The following C15orf40 variants were observed in gnomAD, a reference collection of about 807,000 sequenced individuals.
The protein encoded by C15orf40 is chromosome 15 open reading frame 40.
A neutral mutation model predicts 13.9 loss-of-function variants in C15orf40; 9 were observed. That is an observed-to-expected ratio of 0.65 (90% CI 0.39 to 1.13). C15orf40 has a LOEUF of 1.13. Among genes scored for constraint, C15orf40 ranks in the 50% most tolerant of loss-of-function variants. C15orf40 has a pLI of 0.01. For synonymous variants in C15orf40, 95 were observed against 69.2 expected (o/e 1.37, Z -1.85); for missense variants, 225 against 188.5 (o/e 1.19, Z -1.13).
At chr15:83,006,341 T>G (rs1054188833) in intron 3 of C15orf40, 5 of 928,884 alleles carry the variant, frequency 5.4e-6, no homozygotes, top group Non-Finnish European at 5.1e-6. Context: ...ATAAACTTTG[T>G]AGTAAAATAA....
At position 83,006,585 on chromosome 15, in the gene C15orf40, C is replaced by A. The variant is rs921553013; in HGVS notation, c.367-893G>T. ...GACCAGCCTGGCCAATGTGGCAAAA[C>A]CCTGTCTCTACTAAAAATTAGCCAG... On this transcript the variant is annotated intron_variant, in intron 3 of 3. Transcript: ENST00000304177. The A allele has an allele frequency of 1.1e-5, 5 of 454,230 alleles. No homozygotes were observed. The Middle Eastern group carries it at 4.6e-3, about 419-fold the overall frequency. The allele number at this position is 454,230 out of a possible 1,614,324, so 28.1% of individuals were successfully genotyped here.
Position 82,998,197 on chromosome 15 carries a change from C to G in C15orf40, c.*7400G>C, listed in dbSNP as rs1596401827. ...GACCCCCCACCTCCCTCCCGGACGGCACGGCTGGCCAGGCGGGGGGCTGAC... is the reference window on the plus strand; with the variant it reads ...GACCCCCCACCTCCCTCCCGGACGGGACGGCTGGCCAGGCGGGGGGCTGAC... On this transcript the variant is annotated 3_prime_UTR_variant, in exon 4 of 4. Transcript: ENST00000304177. The G allele has an allele frequency of 1.4e-5, 2 of 139,538 alleles. No homozygotes were observed. The highest frequency in any genetic ancestry group is 4.6e-4 in the South Asian group (2 of 4,340). The allele number at this position is 139,538 out of a possible 1,614,324, so 8.6% of individuals were successfully genotyped here. A position where few individuals can be genotyped will look rare whatever the true frequency, so the allele number is the denominator to read the frequency against.
chr15:83,011,478 C>T lies in C15orf40; in HGVS notation c.111+19G>A. The T allele has an allele frequency of 6.3e-7, 1 of 1,592,116 alleles. No homozygotes were observed. The highest frequency in any genetic ancestry group is 8.5e-7 in the Non-Finnish European group (1 of 1,170,690). Reference sequence around the variant, plus strand: ...CCCCTGAGGCCCACCCCTCTGCCGCCACGGGACCTGCTACTGGCCTTGGTC... The same window carrying T: ...CCCCTGAGGCCCACCCCTCTGCCGCTACGGGACCTGCTACTGGCCTTGGTC... On this transcript the variant is annotated intron_variant, in intron 1 of 3. Transcript: ENST00000304177.
At chr15:82,989,077 C>T (rs763235978), downstream of C15orf40, 11 of 1,613,732 alleles carry the variant, frequency 6.8e-6, no homozygotes, top group African/African-American at 1.2e-4. Context: ...AGTAGATTCA[C>T]AGAAAATGAC....
At chr15:83,009,177 A>G (rs1006355243) in intron 2 of C15orf40, among the ~76,000 whole-genome samples, 1 of 152,246 alleles carries the variant, frequency 6.6e-6, no homozygotes, top group African/African-American at 2.4e-5. Context: ...AATAATGTTT[A>G]CTTAACAAAT....
intron 2 of C15orf40, among the ~76,000 whole-genome samples, chr15:83,009,043 G>A (rs2031853238): frequency 6.6e-6 from 1 of 152,170 alleles, no homozygotes; most frequent in South Asian, 2.1e-4. Context: ...CACTGAAGAA[G>A]TGTATGGACA....
chr15:83,007,140 C>A (rs1410011155), intron 3 of C15orf40, among the ~76,000 whole-genome samples: 2 of 152,146 alleles, frequency 1.3e-5, no homozygotes, highest in Non-Finnish European at 2.9e-5. Flanking sequence ...ATTTAGAAAT[C>A]ATTCCCAGGT....
intron 3 of C15orf40, chr15:83,008,223 A>G (rs1191154109): frequency 4.3e-6 from 1 of 232,756 alleles, no homozygotes; most frequent in Admixed American, 5.3e-5. Context: ...AAAGAAGTTT[A>G]AAAAGAGAGA....
chr15:82,994,682 T>C (rs1410457076), downstream of C15orf40: 1 of 152,210 alleles, frequency 6.6e-6, no homozygotes, highest in Non-Finnish European at 1.5e-5. Flanking sequence ...AACTATTCAC[T>C]GAAATGCCTA....
At position 83,005,192 on chromosome 15, in the gene C15orf40, T is replaced by TC. The variant is rs1240496614; in HGVS notation, c.*404dup. On this transcript the variant is annotated 3_prime_UTR_variant, in exon 4 of 4. Coordinates refer to ENST00000304177, the MANE Select transcript of C15orf40 (RefSeq NM_144597.3). ...ATTCGAATATATACATATATATATG[T>TC]CCCCCATGTTCTTCTGTGCATGTAG... 14 of 1,029,650 alleles carry TC rather than the reference T, an allele frequency of 1.4e-5. No individual in the cohort carries two copies. Among genetic ancestry groups the TC allele is most frequent in the Non-Finnish European group, 1.6e-5 (14 of 855,388 alleles). 63.8% of individuals were successfully genotyped at this position (1,029,650 alleles called of 1,614,324 possible).
At chr15:82,991,518 C>T (rs561395947), downstream of C15orf40, among the ~76,000 whole-genome samples, 1 of 152,284 alleles carries the variant, frequency 6.6e-6, no homozygotes, top group Non-Finnish European at 1.5e-5. Flanking sequence ...GCACTCCAGC[C>T]TGGGCAACAG....
intron 1 of C15orf40, 158 bp from the exon 2 acceptor site, chr15:83,010,521 T>G: frequency 1.3e-6 from 1 of 763,810 alleles, no homozygotes; most frequent in Non-Finnish European, 2.1e-6. Flanking sequence ...CCCACAACCT[T>G]CAAGGCTCTA....
At position 83,005,655 on chromosome 15, in the gene C15orf40, G is replaced by T; in HGVS notation, c.404C>A (p.Ala135Asp). Residue 135 changes from alanine (A) to aspartate (D), a missense_variant, in exon 4 of 4, where the codon GCT becomes GAT. Transcript: ENST00000304177. ...CAAGATCTCTTCTGGAGTTGTAGAA[G>T]CCAAAAGCTTCACCACCTTTTCACG... ...KSREKVVKLLASTTPEEILEK... is the reference protein window; with the variant it reads ...KSREKVVKLLDSTTPEEILEK... The T allele has an allele frequency of 6.2e-7, 1 of 1,612,152 alleles. No homozygotes were observed. The highest frequency in any genetic ancestry group is 8.5e-7 in the Non-Finnish European group (1 of 1,179,214).
downstream of C15orf40, chr15:82,989,088 A>C (rs1419752965): frequency 2.5e-6 from 4 of 1,613,928 alleles, no homozygotes. Flanking sequence ...AGAAAATGAC[A>C]AGGAGTATCA....
At chr15:83,008,711 A>G (rs760340569) in intron 2 of C15orf40, 36 bp from the exon 3 acceptor site, 11 of 1,544,204 alleles carry the variant, frequency 7.1e-6, no homozygotes, top group Non-Finnish European at 9.6e-6. Flanking sequence ...ATCCTTAAGG[A>G]GTTCTTTTTC....
At position 82,998,141 on chromosome 15, in the gene C15orf40, C is replaced by T. The variant is rs2031212251; in HGVS notation, c.*7456G>A. Reference sequence around the variant, plus strand: ...GCCGGGCAGAGGCGCCCCTCACCTCCCGGACGGGGCGGCTGGCCGGGCGGG... The same window carrying T: ...GCCGGGCAGAGGCGCCCCTCACCTCTCGGACGGGGCGGCTGGCCGGGCGGG... On this transcript the variant is annotated 3_prime_UTR_variant, in exon 4 of 4. Coordinates refer to ENST00000304177, the MANE Select transcript of C15orf40 (RefSeq NM_144597.3). 7.6e-6 allele frequency: 1 copy of T among 132,072 alleles called. No individual in the cohort carries two copies. Among genetic ancestry groups the T allele is most frequent in the Non-Finnish European group, 1.7e-5 (1 of 59,932 alleles). The allele number at this position is 132,072 out of a possible 1,614,324, so 8.2% of individuals were successfully genotyped here. A position where few individuals can be genotyped will look rare whatever the true frequency, so the allele number is the denominator to read the frequency against.
rs1596406838 is a variant in C15orf40 at position 83,004,552 on chromosome 15, T to C, written c.*1045A>G. 1 of 852,200 alleles carries C rather than the reference T, an allele frequency of 1.2e-6. No homozygotes were observed. The highest frequency in any genetic ancestry group is 1.4e-6 in the Non-Finnish European group (1 of 708,924). 52.8% of individuals were successfully genotyped at this position (852,200 alleles called of 1,614,324 possible). A position where few individuals can be genotyped will look rare whatever the true frequency, so the allele number is the denominator to read the frequency against. ...GAAAATAGCTTCCAAGTCCTCTTTCTTCTTTTAAGGATCTTTGGAGATTCA... is the reference window on the plus strand; with the variant it reads ...GAAAATAGCTTCCAAGTCCTCTTTCCTCTTTTAAGGATCTTTGGAGATTCA... On this transcript the variant is annotated 3_prime_UTR_variant, in exon 4 of 4. Transcript: ENST00000304177.
chr15:82,993,609 C>T (rs535718789), downstream of C15orf40, among the ~76,000 whole-genome samples: 191 of 152,142 alleles, frequency 1.3e-3, no homozygotes, highest in Non-Finnish European at 2.1e-3. Context: ...GTCAGGAGTT[C>T]GAGACCAGCC....
In C15orf40 at chr15:83,004,574, T is replaced by G. The variant is rs1474639460; in HGVS notation, c.*1023A>C. Reference sequence around the variant, plus strand: ...TTCTTCTTTTAAGGATCTTTGGAGATTCATAAAAACTACTGAATTTGCTGA... The same window carrying G: ...TTCTTCTTTTAAGGATCTTTGGAGAGTCATAAAAACTACTGAATTTGCTGA... On this transcript the variant is annotated 3_prime_UTR_variant, in exon 4 of 4. Transcript: ENST00000304177. 2 of 885,054 alleles carry G rather than the reference T, an allele frequency of 2.3e-6. No homozygotes were observed. Among genetic ancestry groups the G allele is most frequent in the Non-Finnish European group, 2.7e-6 (2 of 738,326 alleles). The allele number at this position is 885,054 out of a possible 1,614,324, so 54.8% of individuals were successfully genotyped here. A position where few individuals can be genotyped will look rare whatever the true frequency, so the allele number is the denominator to read the frequency against.
Sources: allele counts gnomAD v4.1 joint callset (sites outside exome capture counted in the v4.1 genomes callset), GRCh38; gene constraint gnomAD v4.1.1; transcripts MANE v1.5; gene names NCBI Gene and HGNC (gene_info 2026-07-23, HGNC 2026-07-21).